Variants in ZFHX3 observed in about 807,000 individuals in gnomAD.
ZFHX3 encodes zinc finger homeobox 3, also known as zinc finger homeobox protein 3.
Under a neutral mutation model 279.1 loss-of-function variants are expected in ZFHX3, and 42 were observed. The observed-to-expected ratio is 0.15, with a 90% CI of 0.12 to 0.19. The LOEUF is 0.19. Ranked by LOEUF, ZFHX3 falls within the 10% of genes least tolerant of loss-of-function variation. The pLI is 1.00. For synonymous variants in ZFHX3, 2,293 were observed against 1,957.8 expected, an observed-to-expected ratio of 1.17 and a Z score of -4.52; for missense variants, 4,981 against 4,754.0, an observed-to-expected ratio of 1.05 and a Z score of -1.40.
chr16:72,937,173 G>T (rs910625294), intron 3 of ZFHX3, among the ~76,000 whole-genome samples: 1 of 152,154 alleles, frequency 6.6e-6, no homozygotes, highest in African/African-American at 2.4e-5. Context: ...GCCAGGTGGG[G>T]AGCTGGATAC....
At chr16:73,687,294 A>C (rs1597066520) in intron 1 of ZFHX3, among the ~76,000 whole-genome samples, 1 of 151,050 alleles carries the variant, frequency 6.6e-6, no homozygotes. Flanking sequence ...GGGGAGGCTT[A>C]GGTGGAAGGA....
chr16:73,541,437 G>T (rs934546458), intron 2 of ZFHX3, among the ~76,000 whole-genome samples: 1 of 151,960 alleles, frequency 6.6e-6, no homozygotes, highest in African/African-American at 2.4e-5. Flanking sequence ...AGTGAGCTGT[G>T]ATCACAGCAC....
intron 2 of ZFHX3, among the ~76,000 whole-genome samples, chr16:73,659,748 G>A (rs1322275571): frequency 1.3e-5 from 2 of 152,144 alleles, no homozygotes; most frequent in East Asian, 1.9e-4. Flanking sequence ...GTTTATCTGT[G>A]TATACTCATC....
At chr16:73,619,304 C>A (rs1389301385) in intron 2 of ZFHX3, among the ~76,000 whole-genome samples, 4 of 151,438 alleles carry the variant, frequency 2.6e-5, no homozygotes, top group South Asian at 4.2e-4. Flanking sequence ...CTGGCTAACA[C>A]GGTGAAATCC....
intron 1 of ZFHX3, chr16:73,808,574 G>C (rs531094466): frequency 3.3e-5 from 5 of 152,178 alleles, no homozygotes; most frequent in African/African-American, 1.2e-4. Context: ...GTCAGCTTTC[G>C]ATAAGTGTCA....
chr16:73,026,201 A>G (rs1210841663), intron 1 of ZFHX3, among the ~76,000 whole-genome samples: 1 of 127,910 alleles, frequency 7.8e-6, no homozygotes, highest in Non-Finnish European at 1.7e-5. Context: ...ACAAAAAAAA[A>G]AAAAAAAAAA....
intron 5 of ZFHX3, among the ~76,000 whole-genome samples, chr16:73,223,528 A>T (rs1386095431): frequency 2.6e-5 from 4 of 152,182 alleles, no homozygotes; most frequent in Non-Finnish European, 5.9e-5. Flanking sequence ...AATGGCCAAC[A>T]TCCAAAATAA....
intron 3 of ZFHX3, among the ~76,000 whole-genome samples, chr16:73,344,682 T>C (rs1220621897): frequency 2.0e-5 from 3 of 151,844 alleles, no homozygotes; most frequent in Non-Finnish European, 4.4e-5. Flanking sequence ...AAATTATATA[T>C]CTACAGAGAG....
chr16:73,222,410 C>T (rs933064868), intron 5 of ZFHX3, among the ~76,000 whole-genome samples: 1 of 151,982 alleles, frequency 6.6e-6, no homozygotes, highest in African/African-American at 2.4e-5. Context: ...CTCAATCACT[C>T]TCCTATATAC....
At chr16:73,819,510 T>G (rs1404878445) in intron 1 of ZFHX3, among the ~76,000 whole-genome samples, 1 of 152,100 alleles carries the variant, frequency 6.6e-6, no homozygotes, top group Non-Finnish European at 1.5e-5. Context: ...GCCACAAACT[T>G]TAAGTCTTAG....
intron 1 of ZFHX3, among the ~76,000 whole-genome samples, chr16:73,853,638 G>A (rs542264342): frequency 6.6e-6 from 1 of 152,222 alleles, no homozygotes; most frequent in East Asian, 1.9e-4. Flanking sequence ...TAGGTACAAT[G>A]AACATAAAGA....
At chr16:72,856,107 G>A (rs1178707126) in intron 4 of ZFHX3, among the ~76,000 whole-genome samples, 3 of 152,218 alleles carry the variant, frequency 2.0e-5, no homozygotes, top group Admixed American at 1.3e-4. Context: ...CTTCACCAGC[G>A]CCTTGGGGTT....
chr16:73,078,376 G>T (rs549409490), intron 8 of ZFHX3, among the ~76,000 whole-genome samples: 1 of 152,102 alleles, frequency 6.6e-6, no homozygotes, highest in Non-Finnish European at 1.5e-5. Flanking sequence ...TGAAATTCAG[G>T]TATCTTGGGT....
chr16:73,550,890 A>G (rs2020193719), intron 2 of ZFHX3, among the ~76,000 whole-genome samples: 1 of 152,150 alleles, frequency 6.6e-6, no homozygotes, highest in Non-Finnish European at 1.5e-5. Context: ...TTGGGGAGAG[A>G]GGGGAATAGG....
chr16:72,833,543 C>T (rs2037116148), intron 4 of ZFHX3, among the ~76,000 whole-genome samples: 1 of 152,220 alleles, frequency 6.6e-6, no homozygotes, highest in South Asian at 2.1e-4. Flanking sequence ...ATAACAGCCA[C>T]TGTGCCATTT....
intron 8 of ZFHX3, among the ~76,000 whole-genome samples, chr16:72,799,375 A>G (rs1011996113): frequency 6.6e-6 from 1 of 152,218 alleles, no homozygotes; most frequent in African/African-American, 2.4e-5. Context: ...GAGACCCTTT[A>G]ACAGGTCATT....
At chr16:73,652,559 C>A (rs2142166969) in intron 2 of ZFHX3, among the ~76,000 whole-genome samples, 1 of 152,282 alleles carries the variant, frequency 6.6e-6, no homozygotes, top group East Asian at 1.9e-4. Flanking sequence ...TATGTGGACT[C>A]ATTCAAATGA....
chr16:73,510,155 C>A (rs1033081387), intron 2 of ZFHX3, among the ~76,000 whole-genome samples: 2 of 152,178 alleles, frequency 1.3e-5, no homozygotes, highest in Non-Finnish European at 2.9e-5. Context: ...CACCCCTGAT[C>A]AGCAAATCTA....
chr16:73,298,882 T>C (rs1279810877), intron 4 of ZFHX3, among the ~76,000 whole-genome samples: 1 of 152,224 alleles, frequency 6.6e-6, no homozygotes, highest in Admixed American at 6.5e-5. Flanking sequence ...GAGCTGTGGA[T>C]ACAGTCAGAA....
Sources: allele counts gnomAD v4.1 joint callset (sites outside exome capture counted in the v4.1 genomes callset), GRCh38; gene constraint gnomAD v4.1.1; transcripts MANE v1.5; gene names NCBI Gene and HGNC (gene_info 2026-07-23, HGNC 2026-07-21).